Variants in PNLIPRP1 observed in about 807,000 individuals in gnomAD.
PNLIPRP1 encodes inactive pancreatic lipase-related protein 1.
A neutral mutation model predicts 54.6 loss-of-function variants in PNLIPRP1; 57 were observed. That is an observed-to-expected ratio of 1.04 (90% CI 0.84 to 1.30). The LOEUF (loss-of-function observed/expected upper bound fraction) is 1.30. Ranked by LOEUF, PNLIPRP1 falls within the 50% of genes most tolerant of loss-of-function variation. PNLIPRP1 has a pLI of 0.00. For missense variants in PNLIPRP1, 567 were observed against 568.5 expected, an observed-to-expected ratio of 1.00 and a Z score of 0.03; for synonymous variants, 232 against 208.8, an observed-to-expected ratio of 1.11 and a Z score of -0.96.
In PNLIPRP1 at chr10:116,594,852, C is replaced by G. The variant is rs782448079; in HGVS notation, c.453C>G (p.Leu151=). 2.5e-6 allele frequency: 4 copies of G among 1,613,816 alleles called. No homozygotes were observed. The Admixed American group carries it at 5.0e-5, about 20-fold the overall frequency. ...TGGGCGCCCAGGTGGCCCAGATGCT[C>G]GACATCCTCTTGGTGAGTCAGCTGG... is the stretch of plus-strand genomic sequence containing the variant. ...RVVGAQVAQM[L]DILLTEYSYP... The change falls in exon 5 of 13, where the codon CTC becomes CTG. Residue 151 remains leucine, a synonymous_variant. Coordinates refer to ENST00000358834, the MANE Select transcript of PNLIPRP1 (RefSeq NM_006229.4).
chr10:116,602,670 T>C (rs757238548), intron 10 of PNLIPRP1, among the ~76,000 whole-genome samples: 1 of 152,142 alleles, frequency 6.6e-6, no homozygotes, highest in Non-Finnish European at 1.5e-5. Flanking sequence ...ACACGAAAGA[T>C]GAATAGGAGT....
chr10:116,592,360 A>G (rs1188412774), intron 3 of PNLIPRP1, 56 bp from the exon 4 acceptor site: 4 of 1,533,664 alleles, frequency 2.6e-6, no homozygotes, highest in Non-Finnish European at 3.5e-6. Context: ...TGAGGAAGGA[A>G]AAAGGCCTGT....
At chr10:116,596,454 TGCACA>T in intron 6 of PNLIPRP1, 132 bp downstream of exon 6, 1 of 594,666 alleles carries the variant, frequency 1.7e-6, no homozygotes, top group Non-Finnish European at 3.0e-6. Context: ...GCTTGGAGCC[TGCACA>T]GAACATTTTA....
At chr10:116,593,493 A>T (rs1464143113) in intron 4 of PNLIPRP1, among the ~76,000 whole-genome samples, 1 of 152,228 alleles carries the variant, frequency 6.6e-6, no homozygotes, top group Non-Finnish European at 1.5e-5. Flanking sequence ...TAATGTCAAA[A>T]GGAAAAATTA....
At chr10:116,608,393 A>G (rs1218135980) in intron 12 of PNLIPRP1, among the ~76,000 whole-genome samples, 3 of 152,214 alleles carry the variant, frequency 2.0e-5, no homozygotes, top group African/African-American at 4.8e-5. Context: ...GAGGAACTCC[A>G]GGGAGGAACG....
At position 116,607,796 on chromosome 10, in the gene PNLIPRP1, G is replaced by T. The variant is rs552192662; in HGVS notation, c.1341-1257G>T. Reference sequence around the variant, plus strand: ...ACATCTGCATTGTTTTTTGTTAATTGTAAGACTTTTTACATTTACCATCAT... The same window carrying T: ...ACATCTGCATTGTTTTTTGTTAATTTTAAGACTTTTTACATTTACCATCAT... On this transcript the variant is annotated intron_variant, in intron 12 of 12. Coordinates refer to ENST00000358834, the MANE Select transcript of PNLIPRP1 (RefSeq NM_006229.4). 1.4e-3 allele frequency among the ~76,000 whole-genome samples: 214 copies of T among 152,220 alleles called. 1 individual carries two copies. Among genetic ancestry groups the T allele is most frequent in the African/African-American group, 4.7e-3 (197 of 41,554 alleles).
rs1847628079 is a variant in PNLIPRP1 at position 116,591,127 on chromosome 10, T to C, written c.1-3T>C. 6.2e-7 allele frequency: 1 copy of C among 1,613,028 alleles called. No individual in the cohort carries two copies. The highest frequency in any genetic ancestry group is 2.2e-5 in the East Asian group (1 of 44,862). On this transcript the variant is annotated splice_region_variant and splice_polypyrimidine_tract_variant and intron_variant, in intron 1 of 12. Transcript: ENST00000358834. ...GACTGAATTATGTTTAAATTTATTGTAGATGCTGATCTTCTGGACAATCAC... is the reference window on the plus strand; with the variant it reads ...GACTGAATTATGTTTAAATTTATTGCAGATGCTGATCTTCTGGACAATCAC...
At chr10:116,605,122 T>C (rs931290393) in intron 11 of PNLIPRP1, among the ~76,000 whole-genome samples, 1 of 152,222 alleles carries the variant, frequency 6.6e-6, no homozygotes, top group African/African-American at 2.4e-5. Flanking sequence ...GTACAAATAA[T>C]TCTTCCAAAA....
Position 116,590,972 on chromosome 10 carries a change from G to A in PNLIPRP1, c.-24G>A. ...GGCTGGACACTCGATCCGGTGGGAG[G>A]GAACATCTGGAACATTAGACAGGGT... is the stretch of plus-strand genomic sequence containing the variant. On this transcript the variant is annotated 5_prime_UTR_variant, in exon 1 of 13. Transcript: ENST00000358834. 3.3e-6 allele frequency: 2 copies of A among 597,482 alleles called. No individual in the cohort carries two copies. Among genetic ancestry groups the A allele is most frequent in the Non-Finnish European group, 6.0e-6 (2 of 331,968 alleles). 37.0% of individuals were successfully genotyped at this position (597,482 alleles called of 1,614,324 possible).
chr10:116,600,261 T>C, intron 9 of PNLIPRP1, 96 bp downstream of exon 9: 1 of 799,982 alleles, frequency 1.3e-6, no homozygotes. Flanking sequence ...TCACTACACG[T>C]TTTGCATTGA....
chr10:116,605,492 C>G lies in PNLIPRP1; in HGVS notation c.1279C>G (p.Pro427Ala), dbSNP rs1847921347. 6.2e-7 allele frequency: 1 copy of G among 1,610,960 alleles called. No homozygotes were observed. Among genetic ancestry groups the G allele is most frequent in the Admixed American group, 1.7e-5 (1 of 59,946 alleles). The change falls in exon 12 of 13, where the codon CCA becomes GCA. Residue 427 changes from proline to alanine, a missense_variant. Physicochemically the swap from Pro to Ala is conservative, Grantham distance 27. Transcript: ENST00000358834. ...TCTTTGGAATAACAATGTGATAAAT[C>G]CAACCCTCCCCAAAGTGGGTGCCAC... ...KFLWNNNVIN[P>A]TLPKVGATKI...
intron 12 of PNLIPRP1, among the ~76,000 whole-genome samples, chr10:116,606,552 C>G (rs1443381216): frequency 6.6e-6 from 1 of 152,116 alleles, no homozygotes; most frequent in Non-Finnish European, 1.5e-5. Flanking sequence ...CCCCAAGGCC[C>G]CATTAGCAAG....
intron 8 of PNLIPRP1, among the ~76,000 whole-genome samples, 176 bp from the exon 9 acceptor site, chr10:116,599,871 G>C (rs1269996834): frequency 1.3e-5 from 2 of 152,300 alleles, no homozygotes; most frequent in East Asian, 3.9e-4. Flanking sequence ...ATGTTGCCTT[G>C]TACACAGAAA....
At position 116,601,027 on chromosome 10, in the gene PNLIPRP1, C is replaced by A. The variant is rs1554864691; in HGVS notation, c.934-45C>A. 6 of 1,569,522 alleles carry A rather than the reference C, an allele frequency of 3.8e-6. No homozygotes were observed. The South Asian group carries it at 6.0e-5, about 16-fold the overall frequency. Reference sequence around the variant, plus strand: ...TGCCCTCTCAGATGTATCGATCATACAAACACAAATTCTCCTTACAGTCCC... The same window carrying A: ...TGCCCTCTCAGATGTATCGATCATAAAAACACAAATTCTCCTTACAGTCCC... On this transcript the variant is annotated intron_variant, in intron 9 of 12. Transcript: ENST00000358834.
intron 9 of PNLIPRP1, 102 bp downstream of exon 9, chr10:116,600,267 AT>A: frequency 1.3e-6 from 1 of 786,248 alleles, no homozygotes; most frequent in Admixed American, 2.0e-5. Flanking sequence ...CACGTTTTGC[AT>A]TGACCCTCAG....
intron 10 of PNLIPRP1, 120 bp from the exon 11 acceptor site, chr10:116,603,910 A>C: frequency 1.9e-6 from 1 of 517,360 alleles, no homozygotes; most frequent in East Asian, 3.2e-5. Context: ...AATAATAATA[A>C]TTTTTTAGAA....
Position 116,602,705 on chromosome 10 carries a change from A to C in PNLIPRP1, c.1064-1325A>C, listed in dbSNP as rs1847867589. Among the ~76,000 whole-genome samples, 6 of 152,320 alleles carry C rather than the reference A, an allele frequency of 3.9e-5. No homozygotes were observed. In the South Asian group the frequency reaches 1.2e-3, roughly 32 times the overall value. ...TTAGGCAAGAATCATGTCTGTGTAT[A>C]TTAATGTACATCTGTGCACATGTGT... On this transcript the variant is annotated intron_variant, in intron 10 of 12. Transcript: ENST00000358834.
At chr10:116,596,039 G>A (rs1216164840) in intron 5 of PNLIPRP1, 175 bp from the exon 6 acceptor site, 1 of 613,298 alleles carries the variant, frequency 1.6e-6, no homozygotes, top group African/African-American at 1.8e-5. Flanking sequence ...GAAGAGTCTA[G>A]AAAAATAGAT....
intron 11 of PNLIPRP1, 68 bp from the exon 12 acceptor site, chr10:116,605,318 G>T (rs768365947): frequency 1.2e-6 from 1 of 818,586 alleles, no homozygotes; most frequent in East Asian, 2.7e-5. Flanking sequence ...GAAAACAGCA[G>T]CCTGGCATTG....
Sources: gnomAD v4.1 joint callset for allele counts (sites outside exome capture counted in the v4.1 genomes callset) on GRCh38, gnomAD v4.1.1 for gene constraint, MANE v1.5 for transcripts, NCBI Gene and HGNC (gene_info 2026-07-23, HGNC 2026-07-21) for gene names.